The following PDE4D variants were observed in gnomAD, a reference collection of about 807,000 sequenced individuals.
PDE4D encodes phosphodiesterase 4D.
In PDE4D, 24 loss-of-function variants were observed where a neutral mutation model predicts 87.4. That is an observed-to-expected ratio of 0.27 (90% CI 0.20 to 0.39). PDE4D has a LOEUF of 0.39. Among genes scored for constraint, PDE4D ranks in the 10% least tolerant of loss-of-function variants. The pLI is 1.00. For missense variants in PDE4D, 714 were observed against 1,041.0 expected, an observed-to-expected ratio of 0.69 and a Z score of 4.32; for synonymous variants, 384 against 383.2, an observed-to-expected ratio of 1.00 and a Z score of -0.02.
chr5:59,954,839 C>T (rs993357502), intron 3 of PDE4D, among the ~76,000 whole-genome samples: 4 of 152,088 alleles, frequency 2.6e-5, no homozygotes, highest in Non-Finnish European at 5.9e-5. Flanking sequence ...ACAGTGCTGA[C>T]GATGTAATAA....
At chr5:59,043,896 C>T (rs182551991) in intron 5 of PDE4D, among the ~76,000 whole-genome samples, 10,553 of 152,198 alleles carry the variant, frequency 0.069, 498 homozygotes, top group Admixed American at 0.1. Context: ...CATCCTTTTT[C>T]ATGGCTGCAT....
intron 1 of PDE4D, among the ~76,000 whole-genome samples, chr5:60,388,324 C>T (rs571417887): frequency 2.0e-5 from 3 of 152,172 alleles, no homozygotes; most frequent in East Asian, 1.9e-4. Flanking sequence ...ATTCATTCCT[C>T]TTAGGTATAG....
At chr5:59,307,674 T>C (rs144185516) in intron 1 of PDE4D, among the ~76,000 whole-genome samples, 97,907 of 149,224 alleles carry the variant, frequency 0.66, 33,325 homozygotes, top group African/African-American at 0.82. Context: ...CCATCTCACA[T>C]CAGTTAGAAT....
intron 5 of PDE4D, among the ~76,000 whole-genome samples, chr5:59,081,166 T>C (rs10038704): frequency 0.65 from 98,620 of 151,924 alleles, 32,160 homozygotes; most frequent in East Asian, 0.82. Context: ...ATCCATAGTA[T>C]GAAAACTCAT....
intron 1 of PDE4D, among the ~76,000 whole-genome samples, chr5:59,468,811 G>C (rs751912007): frequency 2.0e-5 from 3 of 151,948 alleles, no homozygotes; most frequent in African/African-American, 4.8e-5. Flanking sequence ...TTTAATCATA[G>C]GCCTAACTTA....
chr5:59,118,323 C>T (rs995298579), intron 5 of PDE4D, among the ~76,000 whole-genome samples: 2 of 152,156 alleles, frequency 1.3e-5, no homozygotes, highest in African/African-American at 2.4e-5. Flanking sequence ...CCTTTCAACA[C>T]GTTGTATTTT....
At chr5:59,227,915 G>A (rs1438225176) in intron 1 of PDE4D, among the ~76,000 whole-genome samples, 1 of 152,002 alleles carries the variant, frequency 6.6e-6, no homozygotes, top group Non-Finnish European at 1.5e-5. Context: ...ATACCAAAAG[G>A]AATATAAATC....
intron 1 of PDE4D, among the ~76,000 whole-genome samples, chr5:59,812,525 T>C (rs1768473005): frequency 6.6e-6 from 1 of 151,992 alleles, no homozygotes; most frequent in Non-Finnish European, 1.5e-5. Flanking sequence ...ATACAGAAAT[T>C]AGCCAGGCGT....
chr5:59,665,043 G>T (rs1267052137), intron 1 of PDE4D, among the ~76,000 whole-genome samples: 1 of 152,138 alleles, frequency 6.6e-6, no homozygotes, highest in African/African-American at 2.4e-5. Context: ...CCTCTGTAGT[G>T]ACATGTCCCC....
chr5:60,198,748 G>A (rs1378023839), intron 1 of PDE4D, among the ~76,000 whole-genome samples: 3 of 151,622 alleles, frequency 2.0e-5, no homozygotes, highest in Non-Finnish European at 4.4e-5. Context: ...ATGTAGGATA[G>A]GGGAGCTCAA....
chr5:59,570,383 TTAA>T (rs1261471226), intron 1 of PDE4D, among the ~76,000 whole-genome samples: 1 of 152,184 alleles, frequency 6.6e-6, no homozygotes, highest in East Asian at 1.9e-4. Context: ...AATTAACAAA[TTAA>T]TAATTCAAGG....
intron 1 of PDE4D, among the ~76,000 whole-genome samples, chr5:59,613,906 G>A (rs545644656): frequency 5.4e-4 from 82 of 152,088 alleles, no homozygotes; most frequent in East Asian, 7.7e-4. Flanking sequence ...TAAGACTGCC[G>A]TTAAATTAAT....
intron 1 of PDE4D, among the ~76,000 whole-genome samples, chr5:59,786,289 T>C (rs1323424224): frequency 1.3e-5 from 2 of 152,216 alleles, no homozygotes; most frequent in African/African-American, 2.4e-5. Context: ...TTTCAACAGA[T>C]TCTAAACAGG....
intron 11 of PDE4D, among the ~76,000 whole-genome samples, chr5:58,985,095 T>G (rs1746098354): frequency 6.6e-6 from 1 of 152,010 alleles, no homozygotes; most frequent in Non-Finnish European, 1.5e-5. Flanking sequence ...TATTTTTTTT[T>G]GTAAAGACAG....
chr5:60,363,678 A>G (rs1423830348), intron 1 of PDE4D, among the ~76,000 whole-genome samples: 1 of 152,224 alleles, frequency 6.6e-6, no homozygotes, highest in Non-Finnish European at 1.5e-5. Flanking sequence ...GCATCACCAG[A>G]GGAGACCTCT....
intron 2 of PDE4D, among the ~76,000 whole-genome samples, chr5:60,017,117 T>A (rs909719808): frequency 6.6e-6 from 1 of 152,192 alleles, no homozygotes; most frequent in African/African-American, 2.4e-5. Flanking sequence ...TCTTGAGTGA[T>A]CAGGTGCGTT....
chr5:59,042,431 C>A (rs1347286619), intron 5 of PDE4D, among the ~76,000 whole-genome samples: 1 of 152,172 alleles, frequency 6.6e-6, no homozygotes, highest in African/African-American at 2.4e-5. Flanking sequence ...AGGACAAAAA[C>A]AGTGAGCCAG....
intron 1 of PDE4D, among the ~76,000 whole-genome samples, chr5:60,494,478 A>G (rs1469473774): frequency 1.3e-5 from 2 of 152,172 alleles, no homozygotes. Flanking sequence ...GGGGCTGGAG[A>G]ATTTCAGGAA....
chr5:59,967,755 TCCACAAAAATAAATAATTCTACTAAAAA>T (rs1279247634), intron 3 of PDE4D, among the ~76,000 whole-genome samples: 4 of 152,140 alleles, frequency 2.6e-5, no homozygotes, highest in African/African-American at 7.2e-5. Flanking sequence ...GGTATATACT[TCCACAAAAATAAATAATTCTACTAAAAA>T]GACACATGCA....
Sources: allele counts gnomAD v4.1 joint callset (sites outside exome capture counted in the v4.1 genomes callset), GRCh38; gene constraint gnomAD v4.1.1; transcripts MANE v1.5; gene names NCBI Gene and HGNC (gene_info 2026-07-23, HGNC 2026-07-21).